EVA1A: variants seen among roughly 807,000 people sequenced by gnomAD.
The protein encoded by EVA1A is protein eva-1 homolog A.
Under a neutral mutation model 9.8 loss-of-function variants are expected in EVA1A, and 7 were observed. The ratio of observed to expected loss-of-function variants is 0.71; its 90% CI spans 0.41 to 1.34. EVA1A has a LOEUF of 1.34. EVA1A is among the 40% of genes most tolerant of loss of function. The pLI is 0.01. For synonymous variants in EVA1A, 90 were observed against 85.6 expected (o/e 1.05, Z -0.28); for missense variants, 206 against 205.9 (o/e 1.00, Z 0.00).
chr2:75,558,664 C>A (rs1676810383), intron 1 of EVA1A: 2 of 152,038 alleles, frequency 1.3e-5, no homozygotes, highest in African/African-American at 2.4e-5. Context: ...TGATTGCCAG[C>A]CAAGGAGGAA....
chr2:75,544,977 C>T (rs928357744), intron 1 of EVA1A, among the ~76,000 whole-genome samples: 2 of 152,178 alleles, frequency 1.3e-5, no homozygotes, highest in South Asian at 2.1e-4. Flanking sequence ...CAGTGTTCAT[C>T]CCAAACCCTC....
intron 1 of EVA1A, among the ~76,000 whole-genome samples, chr2:75,544,722 A>C (rs953090438): frequency 1.3e-5 from 2 of 152,238 alleles, no homozygotes; most frequent in African/African-American, 4.8e-5. Flanking sequence ...AAGTGAAAGA[A>C]TCTGTTCCTT....
chr2:75,545,137 T>C (rs1319227098), intron 1 of EVA1A, among the ~76,000 whole-genome samples: 1 of 152,188 alleles, frequency 6.6e-6, no homozygotes, highest in South Asian at 2.1e-4. Flanking sequence ...GTTTTAATGC[T>C]GAAAAGTTTC....
At chr2:75,557,348 AGAGGGTAAGTGAGT>A (rs1676751721) in intron 1 of EVA1A, among the ~76,000 whole-genome samples, 1 of 152,218 alleles carries the variant, frequency 6.6e-6, no homozygotes, top group Non-Finnish European at 1.5e-5. Context: ...CAACTTACCC[AGAGGGTAAGTGAGT>A]GGCTCCAAAT....
intron 1 of EVA1A, among the ~76,000 whole-genome samples, chr2:75,566,393 T>C (rs1289965967): frequency 6.6e-6 from 1 of 152,136 alleles, no homozygotes; most frequent in African/African-American, 2.4e-5. Context: ...GTTTTACCTG[T>C]ACAAAGGAAT....
intron 3 of EVA1A, among the ~76,000 whole-genome samples, chr2:75,514,746 T>C (rs1674944154): frequency 6.6e-6 from 1 of 152,210 alleles, no homozygotes; most frequent in Admixed American, 6.5e-5. Context: ...ACATGTATTA[T>C]AAATAATTCT....
rs539654744 is a variant in EVA1A, at chr2:75,528,592, C to T, written c.-191-6105G>A. On this transcript the variant is annotated intron_variant, in intron 1 of 3. Coordinates refer to ENST00000393913, the MANE Select transcript of EVA1A (RefSeq NM_001135032.2). ...TCCATTGGCCTGAGAACCACTGCCC[C>T]GTCCCCCCAGGTGGTCTCTGCAGGC... is the stretch of plus-strand genomic sequence containing the variant. 2.6e-5 allele frequency among the ~76,000 whole-genome samples: 4 copies of T among 152,260 alleles called. No homozygotes were observed. The South Asian group carries it at 8.3e-4, about 32-fold the overall frequency.
chr2:75,523,923 A>T (rs566831889), intron 1 of EVA1A: 2 of 152,240 alleles, frequency 1.3e-5, no homozygotes, highest in South Asian at 4.2e-4. Flanking sequence ...TAGTTCCTAT[A>T]ATCCCCAACT....
chr2:75,557,298 G>C (rs1396059879), intron 1 of EVA1A, among the ~76,000 whole-genome samples: 1 of 152,208 alleles, frequency 6.6e-6, no homozygotes, highest in Non-Finnish European at 1.5e-5. Context: ...TTCCAAGTTA[G>C]TTTAGTGATC....
chr2:75,535,046 T>C (rs1213238325), intron 1 of EVA1A, among the ~76,000 whole-genome samples: 1 of 151,794 alleles, frequency 6.6e-6, no homozygotes, highest in East Asian at 1.9e-4. Flanking sequence ...TTGTCAAAGA[T>C]CAGTCCAGAA....
intron 3 of EVA1A, among the ~76,000 whole-genome samples, chr2:75,509,703 T>G (rs1395431855): frequency 6.6e-6 from 1 of 152,148 alleles, no homozygotes; most frequent in Admixed American, 6.6e-5. Context: ...TTGTTAGAAA[T>G]ACAAATTCTC....
chr2:75,492,426 A>AAC lies in EVA1A; in HGVS notation c.*809_*810insGT, dbSNP rs1333818767. The AAC allele has an allele frequency of 6.6e-6, 1 of 150,938 alleles. No homozygotes were observed. Among genetic ancestry groups the AAC allele is most frequent in the Non-Finnish European group, 1.5e-5 (1 of 67,172 alleles). 9.3% of individuals were successfully genotyped at this position (150,938 alleles called of 1,614,324 possible). A position where few individuals can be genotyped will look rare whatever the true frequency, so the allele number is the denominator to read the frequency against. ...GAAATCCAATTAAAAAAAAAAAAAA[A>AAC]AACAAAGTGTTTAAAATCACAATTA... On this transcript the variant is annotated 3_prime_UTR_variant, in exon 4 of 4. Transcript: ENST00000393913.
At chr2:75,546,341 T>C (rs1676327598) in intron 1 of EVA1A, among the ~76,000 whole-genome samples, 1 of 152,154 alleles carries the variant, frequency 6.6e-6, no homozygotes, top group Admixed American at 6.5e-5. Context: ...AACAGGAACT[T>C]AGCACTTATT....
At chr2:75,530,267 C>G (rs537986299) in intron 1 of EVA1A, among the ~76,000 whole-genome samples, 1 of 150,668 alleles carries the variant, frequency 6.6e-6, no homozygotes, top group East Asian at 1.9e-4. Flanking sequence ...AAAAAGTTGC[C>G]AATAAAAAAA....
intron 3 of EVA1A, among the ~76,000 whole-genome samples, chr2:75,499,331 A>T (rs564933817): frequency 6.6e-6 from 1 of 152,294 alleles, no homozygotes; most frequent in South Asian, 2.1e-4. Context: ...AGCACAACCG[A>T]GTGAAATAAT....
chr2:75,530,902 G>C (rs1675622588), intron 1 of EVA1A, among the ~76,000 whole-genome samples: 1 of 149,468 alleles, frequency 6.7e-6, no homozygotes, highest in Admixed American at 6.6e-5. Flanking sequence ...GTCCTAGCCA[G>C]AGCAATCAGA....
intron 3 of EVA1A, among the ~76,000 whole-genome samples, chr2:75,503,566 A>G (rs550053105): frequency 6.6e-6 from 1 of 152,322 alleles, no homozygotes; most frequent in East Asian, 1.9e-4. Flanking sequence ...AGACCAGGCC[A>G]GCTGGTCTCC....
intron 1 of EVA1A, among the ~76,000 whole-genome samples, chr2:75,527,388 C>T (rs1372157492): frequency 2.6e-5 from 4 of 152,108 alleles, no homozygotes; most frequent in East Asian, 1.9e-4. Context: ...CCTGGACATC[C>T]GCCCCCTCCT....
At chr2:75,540,636 A>C (rs1676080848) in intron 1 of EVA1A, 1 of 152,216 alleles carries the variant, frequency 6.6e-6, no homozygotes, top group South Asian at 2.1e-4. Context: ...AATTATGTGA[A>C]GTCTTCAGAA....
Sources: gnomAD v4.1 joint callset for allele counts (sites outside exome capture counted in the v4.1 genomes callset) on GRCh38, gnomAD v4.1.1 for gene constraint, MANE v1.5 for transcripts, NCBI Gene and HGNC (gene_info 2026-07-23, HGNC 2026-07-21) for gene names.